The following DOC2B variants were observed in gnomAD, a reference collection of about 807,000 sequenced individuals.
DOC2B encodes the protein double C2-like domain-containing protein beta.
In DOC2B, 21 loss-of-function variants were observed where a neutral mutation model predicts 28.9. The ratio of observed to expected loss-of-function variants is 0.73; its 90% confidence interval spans 0.52 to 1.05. The LOEUF (loss-of-function observed/expected upper bound fraction) is 1.05. Ranked by LOEUF, DOC2B falls within the 50% of genes least tolerant of loss-of-function variation. The pLI is 0.00. For missense variants in DOC2B, 384 were observed against 421.1 expected, an observed-to-expected ratio of 0.91 and a Z score of 0.77; for synonymous variants, 194 against 178.1, an observed-to-expected ratio of 1.09 and a Z score of -0.71.
rs2040022436 is a variant in DOC2B at position 146,754 on chromosome 17, C to G, written c.*687G>C. Reference sequence around the variant, plus strand: ...AGAGCCCACGGTACTTGCAGACTGGCCAAGCTGGTCTTGGTATTTCTCACC... The same window carrying G: ...AGAGCCCACGGTACTTGCAGACTGGGCAAGCTGGTCTTGGTATTTCTCACC... On this transcript the variant is annotated 3_prime_UTR_variant, in exon 9 of 9. Coordinates refer to ENST00000613549, the MANE Select transcript of DOC2B (RefSeq NM_003585.5). The G allele has an allele frequency of 6.6e-6, 1 of 152,252 alleles. No homozygotes were observed. The highest frequency in any genetic ancestry group is 2.4e-5 in the African/African-American group (1 of 41,446). 9.4% of individuals were successfully genotyped at this position (152,252 alleles called of 1,614,324 possible).
chr17:144,953 G>A lies in DOC2B; in HGVS notation c.*2488C>T, dbSNP rs1865680429. On this transcript the variant is annotated 3_prime_UTR_variant, in exon 9 of 9. Transcript: ENST00000613549. ...GCTGTCAAATCTCCTCTCTGAATGA[G>A]ACCCCCAAAAAAGCAAAGCTAAGAA... 3 of 152,138 alleles carry A rather than the reference G, an allele frequency of 2.0e-5. No homozygotes were observed. Among genetic ancestry groups the A allele is most frequent in the African/African-American group, 7.2e-5 (3 of 41,410 alleles). The allele number at this position is 152,138 out of a possible 1,614,324, so 9.4% of individuals were successfully genotyped here. A position where few individuals can be genotyped will look rare whatever the true frequency, so the allele number is the denominator to read the frequency against.
At chr17:162,297 C>G (rs1285973060) in intron 3 of DOC2B, 107 bp from the exon 4 acceptor site, 6 of 807,800 alleles carry the variant, frequency 7.4e-6, no homozygotes, top group Non-Finnish European at 1.2e-5. Context: ...AATGTGTTAT[C>G]AACATGGCCA....
chr17:179,008 G>T (rs62055009), intron 1 of DOC2B, among the ~76,000 whole-genome samples: 11,216 of 152,304 alleles, frequency 0.074, 583 homozygotes, highest in Non-Finnish European at 0.11. Context: ...TCTGGGCCTA[G>T]GATGTTTGTC....
At chr17:172,710 G>T in intron 1 of DOC2B, 94 bp from the exon 2 acceptor site, 2 of 1,039,918 alleles carry the variant, frequency 1.9e-6, no homozygotes, top group South Asian at 1.8e-5. Flanking sequence ...GCCTGGGCAG[G>T]TGCCACCGTT....
chr17:157,158 T>C (rs2040145544), intron 5 of DOC2B, among the ~76,000 whole-genome samples: 1 of 152,172 alleles, frequency 6.6e-6, no homozygotes, highest in South Asian at 2.1e-4. Context: ...CCGCGGACGG[T>C]CTTCCACCAG....
At chr17:176,792 T>A (rs2151476882) in intron 1 of DOC2B, among the ~76,000 whole-genome samples, 1 of 152,264 alleles carries the variant, frequency 6.6e-6, no homozygotes, top group South Asian at 2.1e-4. Context: ...GAAGTTTACA[T>A]CTTCGGAAAA....
At chr17:173,971 C>T (rs988816526) in intron 1 of DOC2B, among the ~76,000 whole-genome samples, 2 of 152,188 alleles carry the variant, frequency 1.3e-5, no homozygotes, top group Non-Finnish European at 2.9e-5. Context: ...GACCCTACGG[C>T]CTGCACAGCT....
chr17:149,664 C>T (rs900488863), intron 6 of DOC2B, among the ~76,000 whole-genome samples: 14 of 152,158 alleles, frequency 9.2e-5, no homozygotes, highest in Middle Eastern at 3.4e-3. Context: ...TGCCGCCATG[C>T]GCAGGTAATT....
At chr17:150,484 G>C (rs1567526298) in intron 6 of DOC2B, among the ~76,000 whole-genome samples, 1 of 135,628 alleles carries the variant, frequency 7.4e-6, no homozygotes. Flanking sequence ...TTCCTCTCCA[G>C]AAAGGCTGCA....
rs888246067 is a variant in DOC2B, at chr17:144,793, T to C, written c.*2648A>G. The C allele has an allele frequency of 6.6e-6, 1 of 152,206 alleles. No homozygotes were observed. The highest frequency in any genetic ancestry group is 6.5e-5 in the Admixed American group (1 of 15,274). 9.4% of individuals were successfully genotyped at this position (152,206 alleles called of 1,614,324 possible). A position where few individuals can be genotyped will look rare whatever the true frequency, so the allele number is the denominator to read the frequency against. Reference sequence around the variant, plus strand: ...CTGGGGGGCTGGAGTTCTGGGTTCTTGTCCCAGCTGTGCCCCTTCAGGCCC... The same window carrying C: ...CTGGGGGGCTGGAGTTCTGGGTTCTCGTCCCAGCTGTGCCCCTTCAGGCCC... On this transcript the variant is annotated 3_prime_UTR_variant, in exon 9 of 9. Transcript: ENST00000613549.
rs2040003707 is a variant in DOC2B at position 144,163 on chromosome 17, A to G, written c.*3278T>C. 7.2e-6 allele frequency: 1 copy of G among 139,218 alleles called. No homozygotes were observed. Among genetic ancestry groups the G allele is most frequent in the African/African-American group, 2.7e-5 (1 of 37,132 alleles). 8.6% of individuals were successfully genotyped at this position (139,218 alleles called of 1,614,324 possible). On this transcript the variant is annotated 3_prime_UTR_variant, in exon 9 of 9. Transcript: ENST00000613549. ...CCTGGAATGACTTTTTTTTTTTGGC[A>G]TCAGATTTCCTGTCTTTGTGGGGAT...
chr17:161,442 G>T lies in DOC2B; in HGVS notation c.738C>A (p.Phe246Leu). 2 of 1,551,692 alleles carry T rather than the reference G, an allele frequency of 1.3e-6. No individual in the cohort carries two copies. The highest frequency in any genetic ancestry group is 1.7e-6 in the Non-Finnish European group (2 of 1,146,976). The change falls in exon 5 of 9, where the codon TTC becomes TTA. Residue 246 changes from phenylalanine (F) to leucine (L), a missense_variant. Physicochemically the swap from Phe to Leu is conservative, Grantham distance 22 (BLOSUM62 0). Transcript: ENST00000613549. The stretch of plus-strand genomic sequence containing the variant: ...GCAGCTGCTTCTCCAGGCAGATGCT[G>T]AAGGTCTTGGTGTGGTTGGGTTTCA... ...KKLKPNHTKT[F>L]SICLEKQLPV...
intron 5 of DOC2B, among the ~76,000 whole-genome samples, chr17:160,067 C>T (rs1034115937): frequency 6.6e-6 from 1 of 151,120 alleles, no homozygotes; most frequent in African/African-American, 2.4e-5. Context: ...TCACTGCAAC[C>T]TCCGCCTCTC....
rs1028998693 is a variant in DOC2B, at chr17:146,215, T to C, written c.*1226A>G. 2 of 152,220 alleles carry C rather than the reference T, an allele frequency of 1.3e-5. No individual in the cohort carries two copies. Among genetic ancestry groups the C allele is most frequent in the Non-Finnish European group, 2.9e-5 (2 of 68,138 alleles). 9.4% of individuals were successfully genotyped at this position (152,220 alleles called of 1,614,324 possible). ...CTCCCAAAAGGGACATCTGTGGCGG[T>C]AGTGGGACCAAGATGCCACGAGCAA... On this transcript the variant is annotated 3_prime_UTR_variant, in exon 9 of 9. Transcript: ENST00000613549.
intron 6 of DOC2B, 134 bp downstream of exon 6, chr17:156,086 C>T: frequency 1.0e-6 from 1 of 995,696 alleles, no homozygotes; most frequent in Non-Finnish European, 1.4e-6. Flanking sequence ...CAAGGTAGCC[C>T]ATCAGGGAAC....
intron 6 of DOC2B, among the ~76,000 whole-genome samples, chr17:152,043 C>G (rs1019744703): frequency 6.6e-6 from 1 of 152,200 alleles, no homozygotes; most frequent in South Asian, 2.1e-4. Flanking sequence ...TGGCGTCTCT[C>G]CCTCCCTTGC....
chr17:147,458 C>T lies in DOC2B; in HGVS notation c.1222G>A (p.Ala408Thr). The change falls in exon 9 of 9, where the codon GCT becomes ACT. Residue 408 changes from alanine to threonine, a missense_variant. Coordinates refer to ENST00000613549, the MANE Select transcript of DOC2B (RefSeq NM_003585.5). ...GGTGGGCGTCAGTCGCTGAGCACAG[C>T]CCCTGGGAGCTCGCTGGTGAGCGTG... is the stretch of plus-strand genomic sequence containing the variant. ...WHTLTSELPGAVLSD is the reference protein window; with the variant it reads ...WHTLTSELPGTVLSD The T allele has an allele frequency of 5.0e-6, 2 of 398,766 alleles. No individual in the cohort carries two copies. Among genetic ancestry groups the T allele is most frequent in the Non-Finnish European group, 8.8e-6 (2 of 226,158 alleles). The allele number at this position is 398,766 out of a possible 1,614,324, so 24.7% of individuals were successfully genotyped here. A position where few individuals can be genotyped will look rare whatever the true frequency, so the allele number is the denominator to read the frequency against.
rs1369571929 is a variant in DOC2B, at chr17:145,083, G to A, written c.*2358C>T. The A allele has an allele frequency of 6.6e-5, 10 of 152,192 alleles. No individual in the cohort carries two copies. Among genetic ancestry groups the A allele is most frequent in the African/African-American group, 2.2e-4 (9 of 41,438 alleles). 9.4% of individuals were successfully genotyped at this position (152,192 alleles called of 1,614,324 possible). On this transcript the variant is annotated 3_prime_UTR_variant, in exon 9 of 9. Coordinates refer to ENST00000613549, the MANE Select transcript of DOC2B (RefSeq NM_003585.5). ...CTGTGTGGAGAAAAGAGGAGCCCTT[G>A]CCTCAGCCCCCAGAGGCTAGGGTGG...
rs2040444677 is a variant in DOC2B, at chr17:181,517, C to G, written c.-38G>C. 3.0e-6 allele frequency: 3 copies of G among 986,042 alleles called. No individual in the cohort carries two copies. Among genetic ancestry groups the G allele is most frequent in the Non-Finnish European group, 3.6e-6 (3 of 831,104 alleles). 61.1% of individuals were successfully genotyped at this position (986,042 alleles called of 1,614,324 possible). ...GCCCCGCCCCGGGCGCGGCCCGGCC[C>G]GGCGCGACCCCGGCCCGGGGGCGGC... On this transcript the variant is annotated 5_prime_UTR_variant, in exon 1 of 9. Coordinates refer to ENST00000613549, the MANE Select transcript of DOC2B (RefSeq NM_003585.5). The surrounding 1 kb of genome is among the most constrained non-coding windows in gnomAD (Gnocchi z 7.0).
Sources: allele counts gnomAD v4.1 joint callset (sites outside exome capture counted in the v4.1 genomes callset), GRCh38; gene constraint gnomAD v4.1.1; non-coding constraint Gnocchi (gnomAD v3.1); transcripts MANE v1.5; gene names NCBI Gene and HGNC (gene_info 2026-07-23, HGNC 2026-07-21).